The following BBOF1 variants were observed in gnomAD, a reference collection of about 807,000 sequenced individuals.
BBOF1 encodes basal body-orientation factor 1.
Under a neutral mutation model 68.0 loss-of-function variants are expected in BBOF1, and 62 were observed. The ratio of observed to expected loss-of-function variants is 0.91; its 90% confidence interval spans 0.74 to 1.13. The LOEUF (loss-of-function observed/expected upper bound fraction) is 1.13. BBOF1 is among the 50% of genes most tolerant of loss of function. The probability of loss-of-function intolerance (pLI) is 0.00; values close to 1 mark genes in which losing one functional copy is unlikely to be tolerated. For synonymous variants in BBOF1, 208 were observed against 198.8 expected, an observed-to-expected ratio of 1.05 and a Z score of -0.39; for missense variants, 534 against 600.1, an observed-to-expected ratio of 0.89 and a Z score of 1.15.
chr14:74,044,704 T>C lies in BBOF1; in HGVS notation c.577-1356T>C, dbSNP rs188229637. On this transcript the variant is annotated intron_variant, in intron 5 of 11. Transcript: ENST00000394009. ...ACTTTGGGAGGCTGAGGCGGGTGGA[T>C]CACCTGAGGTCAGGAATTCAAGACC... Among the ~76,000 whole-genome samples the C allele has an allele frequency of 2.7e-3, 418 of 152,114 alleles. 2 individuals carry two copies. Among genetic ancestry groups the C allele is most frequent in the Middle Eastern group, 6.8e-3 (2 of 294 alleles).
intron 8 of BBOF1, among the ~76,000 whole-genome samples, chr14:74,052,114 C>A (rs1206336459): frequency 6.6e-6 from 1 of 151,680 alleles, no homozygotes; most frequent in Non-Finnish European, 1.5e-5. Context: ...TTATTTAATA[C>A]ATCAAATAAG....
At chr14:74,038,432 C>T (rs913597548) in intron 4 of BBOF1, among the ~76,000 whole-genome samples, 2 of 152,066 alleles carry the variant, frequency 1.3e-5, no homozygotes, top group African/African-American at 4.8e-5. Flanking sequence ...AGTGTTGCCA[C>T]CTAGTGGAGA....
At chr14:74,022,306 C>T (rs139647442) in intron 1 of BBOF1, among the ~76,000 whole-genome samples, 2,343 of 152,176 alleles carry the variant, frequency 0.015, 61 homozygotes, top group African/African-American at 0.051. Flanking sequence ...TCAGCACTTT[C>T]GGAGGCTGAG....
intron 11 of BBOF1, chr14:74,059,996 G>A (rs2060304183): frequency 6.5e-6 from 1 of 154,530 alleles, no homozygotes; most frequent in Admixed American, 6.4e-5. Context: ...TGGGATAAAA[G>A]AGGGGCTAAA....
intron 10 of BBOF1, among the ~76,000 whole-genome samples, chr14:74,079,494 C>T (rs1318943622): frequency 6.7e-6 from 1 of 149,720 alleles, no homozygotes; most frequent in African/African-American, 2.5e-5. Flanking sequence ...AGTGCAGTTG[C>T]GCGATCTTGG....
chr14:74,041,481 TA>T, intron 5 of BBOF1, among the ~76,000 whole-genome samples: 1 of 151,468 alleles, frequency 6.6e-6, no homozygotes, highest in Admixed American at 6.7e-5. Flanking sequence ...TCTTAGGGAA[TA>T]ATTAAATAGA....
Position 74,032,438 on chromosome 14 carries a change from T to A in BBOF1, c.352-1590T>A, listed in dbSNP as rs1226675389. Among the ~76,000 whole-genome samples the A allele has an allele frequency of 4.0e-5, 6 of 151,666 alleles. No homozygotes were observed. The East Asian group carries it at 9.7e-4, about 24-fold the overall frequency. ...TACTGTGCCTGGCCTCAAACTTGAT[T>A]TTTGCAATGTGATAGGTGAGAAATG... On this transcript the variant is annotated intron_variant, in intron 3 of 11. Coordinates refer to ENST00000394009, the MANE Select transcript of BBOF1 (RefSeq NM_025057.3).
chr14:74,075,834 T>A (rs3926373), intron 9 of BBOF1, among the ~76,000 whole-genome samples: 4 of 151,992 alleles, frequency 2.6e-5, no homozygotes, highest in African/African-American at 7.3e-5. Context: ...ACCCAATGTC[T>A]ACCATTGGAT....
intron 4 of BBOF1, among the ~76,000 whole-genome samples, chr14:74,038,892 A>G (rs188764940): frequency 6.6e-6 from 1 of 152,282 alleles, no homozygotes; most frequent in Non-Finnish European, 1.5e-5. Context: ...CCTGTCTCCA[A>G]AAAAAGAAAA....
At chr14:74,028,538 A>C (rs1028326153) in intron 2 of BBOF1, among the ~76,000 whole-genome samples, 2 of 150,258 alleles carry the variant, frequency 1.3e-5, no homozygotes, top group Non-Finnish European at 3.0e-5. Flanking sequence ...AATGCGGCAA[A>C]ATTAATGTAT....
chr14:74,060,612 G>T, intron 11 of BBOF1: 1 of 1,445,246 alleles, frequency 6.9e-7, no homozygotes, highest in Non-Finnish European at 9.7e-7. Flanking sequence ...AGATTACTCA[G>T]GATGGAGTCA....
At chr14:74,025,701 A>T (rs2059407484) in intron 2 of BBOF1, among the ~76,000 whole-genome samples, 1 of 152,184 alleles carries the variant, frequency 6.6e-6, no homozygotes, top group African/African-American at 2.4e-5. Context: ...AAAACATTGT[A>T]CATAGTATCT....
intron 2 of BBOF1, among the ~76,000 whole-genome samples, chr14:74,025,263 T>G (rs1236420002): frequency 6.6e-6 from 1 of 152,158 alleles, no homozygotes; most frequent in Non-Finnish European, 1.5e-5. Flanking sequence ...TTCCTGATTC[T>G]CATCTGCCTC....
chr14:74,050,897 C>T (rs1345319297), intron 8 of BBOF1, among the ~76,000 whole-genome samples: 4 of 151,510 alleles, frequency 2.6e-5, no homozygotes, highest in African/African-American at 4.8e-5. Flanking sequence ...TCACTTAAGG[C>T]CAGGAGTTCA....
intron 11 of BBOF1, among the ~76,000 whole-genome samples, chr14:74,064,402 G>A (rs540833410): frequency 6.6e-6 from 1 of 151,920 alleles, no homozygotes; most frequent in African/African-American, 2.4e-5. Flanking sequence ...GAAAAAATAC[G>A]TGCAATGGGA....
At chr14:74,071,021 A>G (rs2072294), downstream of BBOF1, 144,165 of 688,902 alleles carry the variant, frequency 0.21, 17,567 homozygotes, top group South Asian at 0.43. Context: ...CTATTCCCCA[A>G]TCAGTTACCT....
At chr14:74,021,137 T>C (rs985475201) in intron 1 of BBOF1, among the ~76,000 whole-genome samples, 1 of 152,194 alleles carries the variant, frequency 6.6e-6, no homozygotes, top group Non-Finnish European at 1.5e-5. Flanking sequence ...AATATGTACA[T>C]ATTTATATAT....
intron 9 of BBOF1, chr14:74,071,599 A>G: frequency 1.2e-6 from 2 of 1,601,046 alleles, no homozygotes; most frequent in Admixed American, 3.4e-5. Context: ...CAGGCCAATG[A>G]AGGGGTGCAG....
At chr14:74,053,804 C>T (rs766049049) in intron 8 of BBOF1, among the ~76,000 whole-genome samples, 42 of 152,010 alleles carry the variant, frequency 2.8e-4, no homozygotes, top group Middle Eastern at 3.4e-3. Flanking sequence ...CTCCACCTCC[C>T]GGGTTTAAGC....
Sources: gnomAD v4.1 joint callset for allele counts (sites outside exome capture counted in the v4.1 genomes callset) on GRCh38, gnomAD v4.1.1 for gene constraint, MANE v1.5 for transcripts, NCBI Gene and HGNC (gene_info 2026-07-23, HGNC 2026-07-21) for gene names.